Variants in AGAP3 observed in about 807,000 individuals in gnomAD.
The protein encoded by AGAP3 is arf-GAP with GTPase, ANK repeat and PH domain-containing protein 3.
Under a neutral mutation model 96.9 loss-of-function variants are expected in AGAP3, and 24 were observed. The ratio of observed to expected loss-of-function variants is 0.25; its 90% confidence interval spans 0.18 to 0.35. The LOEUF is 0.35. Ranked by LOEUF, AGAP3 falls within the 10% of genes least tolerant of loss-of-function variation. The pLI is 1.00. For synonymous variants in AGAP3, 563 were observed against 536.1 expected (o/e 1.05, Z -0.69); for missense variants, 876 against 1,254.2 (o/e 0.70, Z 4.55).
chr7:151,138,664 C>A (rs1044922210), intron 12 of AGAP3, among the ~76,000 whole-genome samples: 5 of 152,252 alleles, frequency 3.3e-5, no homozygotes. Flanking sequence ...GTGGCTCCCG[C>A]ATCCCCATCA....
At chr7:151,116,958 A>T (rs1222083113) in intron 2 of AGAP3, 107 bp downstream of exon 2, 1 of 1,526,096 alleles carries the variant, frequency 6.6e-7, no homozygotes, top group African/African-American at 1.4e-5. Context: ...TTCTCTGCTC[A>T]GCTTGGCCCT....
At chr7:151,129,132 C>G (rs10264785) in intron 10 of AGAP3, among the ~76,000 whole-genome samples, 14,955 of 152,070 alleles carry the variant, frequency 0.098, 1,800 homozygotes, top group African/African-American at 0.29. Flanking sequence ...TTAGGAGGGT[C>G]TGGTGGCCAC....
chr7:151,086,883 G>T lies in AGAP3; in HGVS notation c.142G>T (p.Gly48Cys). ...GAGPGAGGGGGPSQQLAGGPP... is the reference protein window; with the variant it reads ...GAGPGAGGGGCPSQQLAGGPP... ...GGGGCCCGGGGCCGGGGGCGGCGGC[G>T]GCCCCTCGCAGCAGCTGGCCGGCGG... Residue 48 changes from glycine to cysteine, a missense_variant, in exon 1 of 18, where the codon GGC (glycine) becomes TGC (cysteine). Transcript: ENST00000397238. The T allele has an allele frequency of 7.6e-7, 1 of 1,320,842 alleles. No individual in the cohort carries two copies. Among genetic ancestry groups the T allele is most frequent in the Non-Finnish European group, 9.7e-7 (1 of 1,026,014 alleles). 81.8% of individuals were successfully genotyped at this position (1,320,842 alleles called of 1,614,324 possible).
At chr7:151,129,698 C>G (rs369080819) in intron 10 of AGAP3, among the ~76,000 whole-genome samples, 6 of 152,062 alleles carry the variant, frequency 3.9e-5, no homozygotes, top group Non-Finnish European at 4.4e-5. Context: ...CCGACCCCCC[C>G]ACCTCCCCAC....
intron 11 of AGAP3, 112 bp from the exon 12 acceptor site, chr7:151,138,031 T>C: frequency 1.2e-6 from 1 of 859,648 alleles, no homozygotes; most frequent in South Asian, 1.7e-5. Flanking sequence ...ATGAACCCAG[T>C]GCCCTGCTGA....
In AGAP3 at chr7:151,141,816, A is replaced by C; in HGVS notation, c.1805-82A>C. 1.3e-6 allele frequency: 2 copies of C among 1,561,496 alleles called. No homozygotes were observed. The highest frequency in any genetic ancestry group is 2.2e-5 in the South Asian group (2 of 89,392). On this transcript the variant is annotated intron_variant, in intron 13 of 17. Transcript: ENST00000397238. This position sits in a 1 kb window ranked among gnomAD's most constrained non-coding sequence, Gnocchi z 4.2. The stretch of plus-strand genomic sequence containing the variant: ...AGGACACTTGCCAGTGGAGCAGGGT[A>C]GTGAGTGGAGTTGTGGCGATAGCAT...
intron 1 of AGAP3, among the ~76,000 whole-genome samples, chr7:151,113,955 G>A (rs886394260): frequency 7.9e-5 from 12 of 152,186 alleles, no homozygotes; most frequent in African/African-American, 2.7e-4. Flanking sequence ...CCCGACAGGA[G>A]GTGAGACCCA....
At position 151,117,758 on chromosome 7, in the gene AGAP3, G is replaced by A; in HGVS notation, c.687G>A (p.Met229Ile). The A allele has an allele frequency of 6.2e-7, 1 of 1,614,026 alleles. No individual in the cohort carries two copies. Among genetic ancestry groups the A allele is most frequent in the Non-Finnish European group, 8.5e-7 (1 of 1,179,932 alleles). ...TCCGCAACGCCAGCGAGGTGCCCATGGTGCTTGTGGGCACGCAGGGTGAGG... is the reference window on the plus strand; with the variant it reads ...TCCGCAACGCCAGCGAGGTGCCCATAGTGCTTGTGGGCACGCAGGGTGAGG... The part of the protein sequence containing the change: ...CSFRNASEVP[M>I]VLVGTQDAIS... The change falls in exon 5 of 18, where the codon ATG becomes ATA. Residue 229 changes from methionine to isoleucine, a missense_variant. Physicochemically the swap from Met to Ile is conservative, Grantham distance 10. Around this residue, in one of 8 missense-constraint regions of AGAP3, gnomAD observed 131 missense variants for 304.5 expected, o/e 0.43. Transcript: ENST00000397238.
Position 151,140,052 on chromosome 7 carries a change from G to A in AGAP3, c.1740G>A (p.Lys580=). 7 of 1,607,244 alleles carry A rather than the reference G, an allele frequency of 4.4e-6. No homozygotes were observed. Among genetic ancestry groups the A allele is most frequent in the Non-Finnish European group, 3.4e-6 (4 of 1,177,268 alleles). ...CCCCATCTCCCCACTCCAACCGGAA[G>A]AAGCACCGGAGGAAAAAGAGCACCG... The part of the protein sequence containing the change: ...DPPPSPHSNR[K]KHRRKKSTGT... Residue 580 remains lysine, a synonymous_variant, in exon 13 of 18, where the codon AAG becomes AAA. Transcript: ENST00000397238. This position sits in a 1 kb window ranked among gnomAD's most constrained non-coding sequence, Gnocchi z 5.4.
chr7:151,093,897 G>A (rs1375478172), intron 1 of AGAP3, among the ~76,000 whole-genome samples: 1 of 152,190 alleles, frequency 6.6e-6, no homozygotes, highest in Admixed American at 6.5e-5. Flanking sequence ...ACCCTGGCGT[G>A]AGTATCTGGA....
rs768345888 is a variant in AGAP3, at chr7:151,118,730, C to T, written c.969+98C>T. On this transcript the variant is annotated intron_variant, in intron 7 of 17. Coordinates refer to ENST00000397238, the MANE Select transcript of AGAP3 (RefSeq NM_031946.7). The surrounding 1 kb of genome is among the most constrained non-coding windows in gnomAD (Gnocchi z 6.1). ...CTGCTGGCCTCCTGCTCACACCTGT[C>T]CACCTTCCTCTGGCCTCCCAGCCTT... The T allele has an allele frequency of 1.5e-5, 22 of 1,462,036 alleles. No individual in the cohort carries two copies. Among genetic ancestry groups the T allele is most frequent in the Non-Finnish European group, 2.0e-5 (21 of 1,069,298 alleles). The allele number at this position is 1,462,036 out of a possible 1,614,324, so 90.6% of individuals were successfully genotyped here. A position where few individuals can be genotyped will look rare whatever the true frequency, so the allele number is the denominator to read the frequency against.
intron 9 of AGAP3, among the ~76,000 whole-genome samples, chr7:151,125,105 C>T (rs729712): frequency 0.28 from 42,153 of 152,118 alleles, 6,412 homozygotes; most frequent in Middle Eastern, 0.35. Flanking sequence ...CCCCTCTCTC[C>T]GGGCACCTCC....
At chr7:151,099,171 G>A (rs1045602169) in intron 1 of AGAP3, among the ~76,000 whole-genome samples, 2 of 151,502 alleles carry the variant, frequency 1.3e-5, no homozygotes, top group Non-Finnish European at 2.9e-5. Flanking sequence ...GTGAAACCCC[G>A]TCTCTACTAA....
intron 1 of AGAP3, among the ~76,000 whole-genome samples, chr7:151,098,704 G>A (rs1798708839): frequency 6.7e-6 from 1 of 148,698 alleles, no homozygotes; most frequent in Admixed American, 6.7e-5. Context: ...GAATACTGAA[G>A]TGTATCCTCT....
At chr7:151,115,012 G>T in intron 1 of AGAP3, 1 of 989,338 alleles carries the variant, frequency 1.0e-6, no homozygotes, top group African/African-American at 1.8e-5. Flanking sequence ...GGCCTCCTGC[G>T]CCCGCGCCTC....
rs748383629 is a variant in AGAP3, at chr7:151,142,048, A to G, written c.1955A>G (p.Asp652Gly). ...ASLQGCRSAKDKTRLGNQNAA... is the reference protein window; with the variant it reads ...ASLQGCRSAKGKTRLGNQNAA... Reference sequence around the variant, plus strand: ...CTGCAAGGCTGCCGCAGTGCCAAGGACAAGGTGGGTACAGAGTGACTGGGC... The same window carrying G: ...CTGCAAGGCTGCCGCAGTGCCAAGGGCAAGGTGGGTACAGAGTGACTGGGC... Residue 652 changes from aspartate (D) to glycine (G), a missense_variant, in exon 14 of 18, where the codon GAC (aspartate) becomes GGC (glycine). Asp to Gly is a moderately conservative substitution (Grantham distance 94). Coordinates refer to ENST00000397238, the MANE Select transcript of AGAP3 (RefSeq NM_031946.7). This position sits in a 1 kb window ranked among gnomAD's most constrained non-coding sequence, Gnocchi z 7.5. The G allele has an allele frequency of 1.8e-5, 29 of 1,613,322 alleles. No individual in the cohort carries two copies. In the African/African-American group the frequency reaches 3.6e-4, roughly 20 times the overall value.
intron 1 of AGAP3, among the ~76,000 whole-genome samples, chr7:151,094,308 G>A (rs1444170428): frequency 1.3e-5 from 2 of 152,026 alleles, no homozygotes; most frequent in Non-Finnish European, 2.9e-5. Flanking sequence ...TATTGCTTTT[G>A]GACAAATTTT....
At chr7:151,089,300 G>A (rs961466165) in intron 1 of AGAP3, among the ~76,000 whole-genome samples, 2 of 152,212 alleles carry the variant, frequency 1.3e-5, no homozygotes, top group African/African-American at 2.4e-5. Flanking sequence ...AGGGAGAGGC[G>A]CAGACTCCCT....
intron 1 of AGAP3, among the ~76,000 whole-genome samples, chr7:151,091,102 C>T (rs1358451373): frequency 1.3e-5 from 2 of 152,224 alleles, no homozygotes; most frequent in African/African-American, 4.8e-5. Flanking sequence ...CATGTTTGTG[C>T]CAGGGTGCTC....
Sources: gnomAD v4.1 joint callset for allele counts (sites outside exome capture counted in the v4.1 genomes callset) on GRCh38, gnomAD v4.1.1 for gene constraint, gnomAD v4.1.1 regional missense constraint, Gnocchi (gnomAD v3.1) non-coding constraint, MANE v1.5 for transcripts, NCBI Gene and HGNC (gene_info 2026-07-23, HGNC 2026-07-21) for gene names.